Variants in USP4 observed in about 807,000 individuals in gnomAD.
USP4 encodes the protein ubiquitin specific peptidase 4.
Under a neutral mutation model 118.2 loss-of-function variants are expected in USP4, and 72 were observed. The ratio of observed to expected loss-of-function variants is 0.61; its 90% CI spans 0.50 to 0.74. USP4 has a LOEUF of 0.74. USP4 is among the 30% of genes least tolerant of loss of function. USP4 has a pLI of 0.00. For synonymous variants in USP4, 415 were observed against 440.4 expected (o/e 0.94, Z 0.72); for missense variants, 1,037 against 1,185.7 (o/e 0.87, Z 1.84).
intron 11 of USP4, 78 bp downstream of exon 11, chr3:49,300,389 C>A (rs2047252191): frequency 7.4e-7 from 1 of 1,359,198 alleles, no homozygotes; most frequent in Non-Finnish European, 1.0e-6. Context: ...GCAGCCAATG[C>A]AGCAGATAGG....
chr3:49,322,724 G>A (rs2047515068), intron 6 of USP4, among the ~76,000 whole-genome samples: 1 of 151,966 alleles, frequency 6.6e-6, no homozygotes, highest in Non-Finnish European at 1.5e-5. Flanking sequence ...AGCTGGGCAT[G>A]GTGGTGGGAG....
intron 6 of USP4, among the ~76,000 whole-genome samples, chr3:49,314,390 A>G (rs1407381489): frequency 6.6e-6 from 1 of 152,214 alleles, no homozygotes; most frequent in East Asian, 1.9e-4. Flanking sequence ...CTTCATCCTC[A>G]TGCTGCAAAG....
rs558961460 is a variant in USP4, at chr3:49,327,816, T to C, written c.230A>G (p.Asp77Gly). The C allele has an allele frequency of 6.2e-7, 1 of 1,613,364 alleles. No homozygotes were observed. The highest frequency in any genetic ancestry group is 1.1e-5 in the South Asian group (1 of 91,026). The change falls in exon 3 of 22, where the codon GAT becomes GGT. Residue 77 changes from aspartate (D) to glycine (G), a missense_variant and splice_region_variant. Transcript: ENST00000265560. The part of the protein sequence containing the change: ...GPIDNSGLFS[D>G]PESQTLKEHL... ...TTCTTTCAAGGTCTGACTCTCAGGA[T>C]CTAAAAAAGGAAAAGAGCACATAAG...
At chr3:49,319,993 T>C (rs975829024) in intron 6 of USP4, among the ~76,000 whole-genome samples, 1 of 152,038 alleles carries the variant, frequency 6.6e-6, no homozygotes, top group Non-Finnish European at 1.5e-5. Context: ...TATAGCTCAC[T>C]ACAGCCTCAA....
rs1575597083 is a variant in USP4 at position 49,277,583 on chromosome 3, G to T, written c.*710C>A. The T allele has an allele frequency of 5.9e-6, 1 of 169,502 alleles. No homozygotes were observed. The highest frequency in any genetic ancestry group is 1.3e-4 in the South Asian group (1 of 7,446). The allele number at this position is 169,502 out of a possible 1,614,324, so 10.5% of individuals were successfully genotyped here. Reference sequence around the variant, plus strand: ...AGTTTTATGTACTGACTTCCTTTAAGCGTTATCTAATAAAAAGTGTGTTAT... The same window carrying T: ...AGTTTTATGTACTGACTTCCTTTAATCGTTATCTAATAAAAAGTGTGTTAT... On this transcript the variant is annotated 3_prime_UTR_variant, in exon 22 of 22. Coordinates refer to ENST00000265560, the MANE Select transcript of USP4 (RefSeq NM_003363.4).
At chr3:49,295,319 C>CAAAAAAAAAAAAAAAAAA (rs2047193082) in intron 13 of USP4, among the ~76,000 whole-genome samples, 4 of 97,892 alleles carry the variant, frequency 4.1e-5, no homozygotes, top group Non-Finnish European at 8.2e-5. Flanking sequence ...AAAAAAAAAG[C>CAAAAAAAAAAAAAAAAAA]ATTGAGTGCC....
intron 6 of USP4, among the ~76,000 whole-genome samples, chr3:49,323,662 C>G (rs2047523354): frequency 6.6e-6 from 1 of 152,124 alleles, no homozygotes; most frequent in South Asian, 2.1e-4. Context: ...CTTAAGAACT[C>G]ATAGTTTTCA....
chr3:49,292,581 G>C lies in USP4; in HGVS notation c.1901C>G (p.Pro634Arg). Residue 634 changes from proline (P) to arginine (R), a missense_variant, in exon 15 of 22, where the codon CCT becomes CGT. By Grantham distance (103) the Pro-to-Arg change is moderately radical. This residue lies in a region of USP4 where 522 missense variants were observed against 592.6 expected (regional missense o/e 0.88). Transcript: ENST00000265560. ...TGAGCTGCCAAACTCATCAGGTAAA[G>C]GCTGTTTCACATAGCGGCTTCAAAA... ...CDRISRYVKQ[P>R]LPDEFGSSPL... is the part of the protein sequence containing the mutation. The C allele has an allele frequency of 6.3e-7, 1 of 1,595,510 alleles. No individual in the cohort carries two copies. Among genetic ancestry groups the C allele is most frequent in the African/African-American group, 1.3e-5 (1 of 74,148 alleles).
rs368312514 is a variant in USP4 at position 49,327,667 on chromosome 3, G to A, written c.360+19C>T. 3 of 1,613,728 alleles carry A rather than the reference G, an allele frequency of 1.9e-6. No individual in the cohort carries two copies. In the African/African-American group the frequency reaches 4.0e-5, roughly 22 times the overall value. ...CCTGCAGACAGTGACCAGCAGGTGG[G>A]ACAATTCACATAACTCACTTTTCTG... On this transcript the variant is annotated intron_variant, in intron 3 of 21. Coordinates refer to ENST00000265560, the MANE Select transcript of USP4 (RefSeq NM_003363.4).
intron 15 of USP4, among the ~76,000 whole-genome samples, chr3:49,290,929 T>C (rs1452295647): frequency 6.6e-6 from 1 of 151,678 alleles, no homozygotes; most frequent in African/African-American, 2.4e-5. Flanking sequence ...CAGTAAACCA[T>C]GATTGAACCA....
intron 6 of USP4, chr3:49,318,235 C>A (rs767115847): frequency 2.5e-6 from 2 of 788,254 alleles, no homozygotes; most frequent in Non-Finnish European, 3.1e-6. Flanking sequence ...TCTCAAACTG[C>A]TGGGATTACA....
chr3:49,284,338 T>C, intron 18 of USP4, 128 bp downstream of exon 18: 1 of 1,034,382 alleles, frequency 9.7e-7, no homozygotes, highest in Non-Finnish European at 1.4e-6. Context: ...GAGGATTATG[T>C]TGTAGGGTTA....
Position 49,335,494 on chromosome 3 carries a change from T to C in USP4, c.204A>G (p.Pro68=). Residue 68 remains proline (P), a synonymous_variant, in exon 2 of 22, where the codon CCA becomes CCG. Transcript: ENST00000265560. The part of the protein sequence containing the change: ...NVGEHNLFPG[P]IDNSGLFSDP... ...CTGAAAATAGCCCAGAGTTGTCTAT[T>C]GGGCCAGGAAATAGGTTATGTTCAC... 2.5e-6 allele frequency: 4 copies of C among 1,614,238 alleles called. No individual in the cohort carries two copies. The highest frequency in any genetic ancestry group is 3.4e-6 in the Non-Finnish European group (4 of 1,180,056).
chr3:49,337,822 T>C (rs1038622627), intron 1 of USP4, among the ~76,000 whole-genome samples: 1 of 150,354 alleles, frequency 6.7e-6, no homozygotes, highest in Non-Finnish European at 1.5e-5. Context: ...CTGAGTCAGG[T>C]GGATCACGAG....
intron 6 of USP4, chr3:49,316,795 C>T: frequency 6.0e-6 from 3 of 500,992 alleles, no homozygotes; most frequent in Non-Finnish European, 1.1e-5. Flanking sequence ...GCTCAGACTA[C>T]AACCAGGACC....
intron 3 of USP4, among the ~76,000 whole-genome samples, chr3:49,327,339 C>T (rs549647464): frequency 4.6e-5 from 7 of 152,216 alleles, no homozygotes; most frequent in African/African-American, 1.7e-4. Context: ...AGTTTGAGAC[C>T]AGACTGGCCA....
intron 1 of USP4, among the ~76,000 whole-genome samples, chr3:49,338,670 AAAAAAAAAAG>A (rs1209684277): frequency 2.0e-5 from 3 of 151,328 alleles, no homozygotes; most frequent in Non-Finnish European, 2.9e-5. Context: ...CTCAAAAAAA[AAAAAAAAAAG>A]AAAAGAAAAG....
Position 49,284,597 on chromosome 3 carries a change from A to C in USP4, c.2272-13T>G. Reference sequence around the variant, plus strand: ...GCTTCTCGTAGGCCTATGGGAATCAAAGCACTCAGTTCTGCTGGAGAAAGA... The same window carrying C: ...GCTTCTCGTAGGCCTATGGGAATCACAGCACTCAGTTCTGCTGGAGAAAGA... On this transcript the variant is annotated splice_polypyrimidine_tract_variant and intron_variant, in intron 17 of 21. Transcript: ENST00000265560. 6.2e-7 allele frequency: 1 copy of C among 1,609,026 alleles called. No homozygotes were observed. Among genetic ancestry groups the C allele is most frequent in the Non-Finnish European group, 8.5e-7 (1 of 1,175,684 alleles).
At chr3:49,306,520 T>G (rs1265679413) in intron 8 of USP4, among the ~76,000 whole-genome samples, 1 of 151,608 alleles carries the variant, frequency 6.6e-6, no homozygotes, top group Non-Finnish European at 1.5e-5. Flanking sequence ...TTAGTTTCTG[T>G]TCTTAACGCT....
Sources: gnomAD v4.1 joint callset for allele counts (sites outside exome capture counted in the v4.1 genomes callset) on GRCh38, gnomAD v4.1.1 for gene constraint, gnomAD v4.1.1 regional missense constraint, MANE v1.5 for transcripts, NCBI Gene and HGNC (gene_info 2026-07-23, HGNC 2026-07-21) for gene names.